Variants in VPS35L observed in about 807,000 individuals in gnomAD.
The protein encoded by VPS35L is VPS35 endosomal protein-sorting factor-like.
VPS35L carries 83 observed loss-of-function variants against 133.0 expected under a neutral mutation model. That is an observed-to-expected ratio of 0.62 (90% CI 0.52 to 0.75). VPS35L has a LOEUF of 0.75. Ranked by LOEUF, VPS35L falls within the 30% of genes least tolerant of loss-of-function variation. The pLI, the probability that VPS35L is intolerant of heterozygous loss-of-function variation, is 0.00. For missense variants in VPS35L, 1,083 were observed against 1,206.8 expected (o/e 0.90, Z 1.52); for synonymous variants, 423 against 449.9 (o/e 0.94, Z 0.76).
chr16:19,680,913 C>T (rs1395489081), intron 27 of VPS35L, among the ~76,000 whole-genome samples: 1 of 109,282 alleles, frequency 9.2e-6, no homozygotes, highest in African/African-American at 4.6e-5. Flanking sequence ...TCTCAGAACC[C>T]GCCCCCCCCC....
chr16:19,573,060 T>C (rs1971430982), intron 3 of VPS35L, 59 bp from the exon 4 acceptor site: 1 of 1,550,606 alleles, frequency 6.4e-7, no homozygotes, highest in Non-Finnish European at 8.8e-7. Flanking sequence ...TTTATATATG[T>C]ATATATTTAA....
chr16:19,594,494 A>G (rs1972139127), intron 8 of VPS35L, among the ~76,000 whole-genome samples: 1 of 151,930 alleles, frequency 6.6e-6, no homozygotes, highest in South Asian at 2.1e-4. Context: ...AAATATAAAA[A>G]TTAGCCAGGC....
rs553929598 is a variant in VPS35L, at chr16:19,674,253, G to A, written c.2361+4954G>A. ...ACCCAGGCTAGATGGAATGCAGTGC[G>A]CGATCTCGGCTCACTGCAACCTCTG... On this transcript the variant is annotated intron_variant, in intron 27 of 30. Transcript: ENST00000417362. Among the ~76,000 whole-genome samples, 15 of 135,642 alleles carry A rather than the reference G, an allele frequency of 1.1e-4. 1 individual carries two copies. Among genetic ancestry groups the A allele is most frequent in the South Asian group, 2.4e-4 (1 of 4,240 alleles). 89.0% of individuals were successfully genotyped at this position (135,642 alleles called of 152,430 possible).
intron 1 of VPS35L, among the ~76,000 whole-genome samples, chr16:19,558,321 A>G (rs116825774): frequency 0.018 from 2,727 of 152,332 alleles, 92 homozygotes; most frequent in African/African-American, 0.063. Flanking sequence ...GAAGAAATAG[A>G]GGCAGAGAGA....
intron 16 of VPS35L, among the ~76,000 whole-genome samples, chr16:19,628,346 A>C (rs1973335072): frequency 6.6e-6 from 1 of 152,204 alleles, no homozygotes; most frequent in South Asian, 2.1e-4. Flanking sequence ...TGACAGAGTG[A>C]GACCCTGTCT....
chr16:19,569,471 T>A lies in VPS35L; in HGVS notation c.165T>A (p.Ser55=), dbSNP rs775686394. Residue 55 remains serine, a synonymous_variant, in exon 3 of 31, where the codon TCT becomes TCA. Coordinates refer to ENST00000417362, the MANE Select transcript of VPS35L (RefSeq NM_020314.7). ...AAGTGAACCGGAAAGGAAGCACTTC[T>A]TCCACGTCCTCCTCCTCCTCCAGCT... ...TKKVNRKGST[S]STSSSSSSSV... 6 of 1,607,042 alleles carry A rather than the reference T, an allele frequency of 3.7e-6. No individual in the cohort carries two copies. The highest frequency in any genetic ancestry group is 1.7e-5 in the Admixed American group (1 of 58,996).
chr16:19,633,096 G>T lies in VPS35L; in HGVS notation c.1559G>T (p.Arg520Leu). ...VEYTCKHFTKREVNTVLADVI... is the reference protein window; with the variant it reads ...VEYTCKHFTKLEVNTVLADVI... Reference sequence around the variant, plus strand: ...TGGTTCCTTTTTCCTGCTTAGAAACGAGAGGTGAATACCGTTTTGGCAGAT... The same window carrying T: ...TGGTTCCTTTTTCCTGCTTAGAAACTAGAGGTGAATACCGTTTTGGCAGAT... The change falls in exon 19 of 31, where the codon CGA becomes CTA. Residue 520 changes from arginine (R) to leucine (L), a missense_variant. Coordinates refer to ENST00000417362, the MANE Select transcript of VPS35L (RefSeq NM_020314.7). The surrounding 1 kb of genome is among the most constrained non-coding windows in gnomAD (Gnocchi z 4.1). 1.2e-6 allele frequency: 2 copies of T among 1,614,112 alleles called. No homozygotes were observed. The highest frequency in any genetic ancestry group is 1.1e-5 in the South Asian group (1 of 91,076).
chr16:19,577,396 G>C (rs1971571469), intron 5 of VPS35L, among the ~76,000 whole-genome samples: 1 of 152,088 alleles, frequency 6.6e-6, no homozygotes, highest in Non-Finnish European at 1.5e-5. Flanking sequence ...TGCAAGGATG[G>C]CACCAAGCCG....
intron 26 of VPS35L, among the ~76,000 whole-genome samples, chr16:19,653,367 T>C (rs747866440): frequency 2.6e-4 from 39 of 152,230 alleles, no homozygotes; most frequent in Non-Finnish European, 5.3e-4. Context: ...ATGGAGTGTT[T>C]GTTATGTGGC....
intron 14 of VPS35L, among the ~76,000 whole-genome samples, chr16:19,619,322 A>T (rs1336375761): frequency 2.0e-5 from 3 of 152,260 alleles, no homozygotes; most frequent in African/African-American, 7.2e-5. Flanking sequence ...AAAAACTGGG[A>T]CATCTTGTAC....
At chr16:19,581,889 C>A in intron 7 of VPS35L, 1 of 547,632 alleles carries the variant, frequency 1.8e-6, no homozygotes, top group Non-Finnish European at 3.2e-6. Context: ...CTCCAGGAAG[C>A]ACTCTTCACC....
chr16:19,682,020 G>A (rs983345178), intron 27 of VPS35L, among the ~76,000 whole-genome samples: 1 of 152,144 alleles, frequency 6.6e-6, no homozygotes, highest in Non-Finnish European at 1.5e-5. Context: ...AGACAGGAGC[G>A]TGTTGATTCG....
chr16:19,694,164 T>G (rs1281485073), intron 29 of VPS35L: 1 of 151,852 alleles, frequency 6.6e-6, no homozygotes, highest in Non-Finnish European at 1.5e-5. Flanking sequence ...ATCATTGTAA[T>G]TCTAGGCATG....
At chr16:19,586,426 G>A (rs1306497553) in intron 7 of VPS35L, among the ~76,000 whole-genome samples, 2 of 152,056 alleles carry the variant, frequency 1.3e-5, no homozygotes, top group African/African-American at 4.8e-5. Context: ...TGCAACCTCC[G>A]CTTCCTGGGT....
At chr16:19,590,590 G>A (rs1972013802) in intron 7 of VPS35L, among the ~76,000 whole-genome samples, 1 of 152,256 alleles carries the variant, frequency 6.6e-6, no homozygotes, top group East Asian at 1.9e-4. Context: ...GCCACATTGT[G>A]TGACTGCGGT....
intron 27 of VPS35L, among the ~76,000 whole-genome samples, chr16:19,676,182 A>G (rs1975057070): frequency 6.6e-6 from 1 of 152,030 alleles, no homozygotes; most frequent in Non-Finnish European, 1.5e-5. Flanking sequence ...AACCCAGGAG[A>G]TGGAGGTTGT....
intron 18 of VPS35L, among the ~76,000 whole-genome samples, chr16:19,630,973 C>CA (rs1973438429): frequency 6.6e-6 from 1 of 152,110 alleles, no homozygotes; most frequent in South Asian, 2.1e-4. Flanking sequence ...TGCACTCCTA[C>CA]ACTCCAGCCA....
intron 7 of VPS35L, among the ~76,000 whole-genome samples, chr16:19,590,006 T>C (rs1460466258): frequency 6.6e-6 from 1 of 152,154 alleles, no homozygotes; most frequent in East Asian, 1.9e-4. Flanking sequence ...TGGGGGCAGC[T>C]GTTTAAGTTG....
At chr16:19,616,219 T>TC in intron 13 of VPS35L, 28 bp downstream of exon 13, 2 of 1,561,864 alleles carry the variant, frequency 1.3e-6, no homozygotes, top group Non-Finnish European at 1.8e-6. Flanking sequence ...GAATAGCTCA[T>TC]CGATATAACA....
Sources: gnomAD v4.1 joint callset for allele counts (sites outside exome capture counted in the v4.1 genomes callset) on GRCh38, gnomAD v4.1.1 for gene constraint, Gnocchi (gnomAD v3.1) non-coding constraint, MANE v1.5 for transcripts, NCBI Gene and HGNC (gene_info 2026-07-23, HGNC 2026-07-21) for gene names.